The following CSMD3 variants were observed in gnomAD, a reference collection of about 807,000 sequenced individuals.
The protein encoded by CSMD3 is CUB and sushi domain-containing protein 3.
Under a neutral mutation model 435.2 loss-of-function variants are expected in CSMD3, and 177 were observed. The observed-to-expected ratio is 0.41, with a 90% CI of 0.36 to 0.46. CSMD3 has a LOEUF of 0.46. Ranked by LOEUF, CSMD3 falls within the 20% of genes least tolerant of loss-of-function variation. CSMD3 has a pLI of 0.34. For synonymous variants in CSMD3, 1,656 were observed against 1,520.5 expected, an observed-to-expected ratio of 1.09 and a Z score of -2.07; for missense variants, 4,265 against 4,504.6, an observed-to-expected ratio of 0.95 and a Z score of 1.52.
At chr8:112,396,429 T>C (rs1158706855) in intron 35 of CSMD3, among the ~76,000 whole-genome samples, 2 of 152,146 alleles carry the variant, frequency 1.3e-5, no homozygotes, top group South Asian at 4.1e-4. Flanking sequence ...AATATGTAAA[T>C]CTTTTGCTTG....
chr8:112,351,800 C>T (rs904079502), intron 39 of CSMD3, among the ~76,000 whole-genome samples: 67 of 151,788 alleles, frequency 4.4e-4, no homozygotes, highest in South Asian at 2.1e-4. Flanking sequence ...ATTTATTTAT[C>T]TAATATGTGA....
chr8:113,007,863 C>G (rs1055716437), intron 6 of CSMD3, among the ~76,000 whole-genome samples: 1 of 151,626 alleles, frequency 6.6e-6, no homozygotes, highest in African/African-American at 2.4e-5. Flanking sequence ...GAATTAATAT[C>G]CTTATGGGGA....
At chr8:112,779,491 T>C (rs2078329697) in intron 13 of CSMD3, among the ~76,000 whole-genome samples, 1 of 152,048 alleles carries the variant, frequency 6.6e-6, no homozygotes, top group Admixed American at 6.6e-5. Context: ...CTTTGCCTAC[T>C]GGACCAAGGA....
At chr8:113,040,201 A>T (rs561827009) in intron 5 of CSMD3, among the ~76,000 whole-genome samples, 5 of 152,298 alleles carry the variant, frequency 3.3e-5, no homozygotes, top group African/African-American at 1.2e-4. Flanking sequence ...ATATGCATGG[A>T]ATCTTGAGCA....
rs183704627 is a variant in CSMD3, at chr8:113,341,421, T to C, written c.179-26628A>G. ...GAAATAATCATTCAGGCAAAACCAA[T>C]TGATAGAGTAATCAACAGTTCAAGG... On this transcript the variant is annotated intron_variant, in intron 1 of 70. Coordinates refer to ENST00000297405, the MANE Select transcript of CSMD3 (RefSeq NM_198123.2). Among the ~76,000 whole-genome samples, 91 of 152,194 alleles carry C rather than the reference T, an allele frequency of 6.0e-4. No individual in the cohort carries two copies. In the East Asian group the frequency reaches 0.012, roughly 20 times the overall value.
At chr8:113,023,499 G>A (rs1048354734) in intron 5 of CSMD3, among the ~76,000 whole-genome samples, 1 of 151,948 alleles carries the variant, frequency 6.6e-6, no homozygotes, top group African/African-American at 2.4e-5. Flanking sequence ...TAGATAAGAT[G>A]TATCCATCAT....
intron 32 of CSMD3, among the ~76,000 whole-genome samples, chr8:112,461,461 A>G (rs959730432): frequency 6.6e-6 from 1 of 152,112 alleles, no homozygotes; most frequent in Non-Finnish European, 1.5e-5. Context: ...ATATTTTCCC[A>G]TATCAACATC....
chr8:112,684,989 A>G (rs1038300739), intron 15 of CSMD3, among the ~76,000 whole-genome samples: 7 of 152,150 alleles, frequency 4.6e-5, no homozygotes, highest in African/African-American at 1.7e-4. Flanking sequence ...ATTCTATGCC[A>G]TGATTAGTTG....
At chr8:113,280,300 T>C (rs188250328) in intron 2 of CSMD3, among the ~76,000 whole-genome samples, 2 of 152,058 alleles carry the variant, frequency 1.3e-5, no homozygotes, top group African/African-American at 4.8e-5. Context: ...TCTTGGACTT[T>C]TTTTCGTTGC....
chr8:112,254,075 A>C (rs1303183682), intron 63 of CSMD3, among the ~76,000 whole-genome samples, 178 bp downstream of exon 63: 1 of 151,992 alleles, frequency 6.6e-6, no homozygotes, highest in Non-Finnish European at 1.5e-5. Context: ...TTTATTAAAA[A>C]AATTTTTTTT....
intron 13 of CSMD3, among the ~76,000 whole-genome samples, chr8:112,770,144 C>G (rs941326949): frequency 6.6e-6 from 1 of 151,930 alleles, no homozygotes; most frequent in Non-Finnish European, 1.5e-5. Flanking sequence ...AAAAAAAGCT[C>G]ATACAACTCG....
chr8:112,643,203 A>G (rs1464828438), intron 20 of CSMD3, among the ~76,000 whole-genome samples: 2 of 152,116 alleles, frequency 1.3e-5, no homozygotes, highest in African/African-American at 4.8e-5. Flanking sequence ...CAGAACAGGG[A>G]TAACGGCTGC....
At chr8:113,374,256 A>T (rs1276060686) in intron 1 of CSMD3, among the ~76,000 whole-genome samples, 2 of 152,136 alleles carry the variant, frequency 1.3e-5, no homozygotes. Context: ...ATTATGAAAG[A>T]TATTAAGAAA....
chr8:112,317,940 A>T (rs1482636049), intron 47 of CSMD3, among the ~76,000 whole-genome samples: 2 of 152,178 alleles, frequency 1.3e-5, no homozygotes, highest in East Asian at 3.9e-4. Flanking sequence ...ATACAACTCA[A>T]TTGTATTCAA....
intron 68 of CSMD3, among the ~76,000 whole-genome samples, chr8:112,232,033 T>C (rs1479091292): frequency 6.6e-6 from 1 of 152,178 alleles, no homozygotes; most frequent in Non-Finnish European, 1.5e-5. Context: ...TCTCATTTAG[T>C]TGGGCTTGGT....
At chr8:112,877,271 T>C (rs945983550) in intron 10 of CSMD3, among the ~76,000 whole-genome samples, 2 of 151,792 alleles carry the variant, frequency 1.3e-5, no homozygotes, top group Non-Finnish European at 2.9e-5. Context: ...TAAATTTCTT[T>C]TTTTTTTTAA....
chr8:113,044,206 T>C (rs1163266136), intron 5 of CSMD3, among the ~76,000 whole-genome samples: 1 of 152,072 alleles, frequency 6.6e-6, no homozygotes, highest in Non-Finnish European at 1.5e-5. Flanking sequence ...CTTTGGAGGA[T>C]AGTTGGAAGT....
intron 13 of CSMD3, among the ~76,000 whole-genome samples, chr8:112,715,332 G>C (rs2076701031): frequency 6.6e-6 from 1 of 152,114 alleles, no homozygotes; most frequent in South Asian, 2.1e-4. Flanking sequence ...AAAAGATATT[G>C]ATAAATTCCT....
chr8:112,465,209 G>C (rs1453082318), intron 32 of CSMD3, among the ~76,000 whole-genome samples: 1 of 152,060 alleles, frequency 6.6e-6, no homozygotes, highest in Non-Finnish European at 1.5e-5. Context: ...ATGCCCCCTC[G>C]TGGTGAATTA....
Sources: allele counts gnomAD v4.1 joint callset (sites outside exome capture counted in the v4.1 genomes callset), GRCh38; gene constraint gnomAD v4.1.1; transcripts MANE v1.5; gene names NCBI Gene and HGNC (gene_info 2026-07-23, HGNC 2026-07-21).